Variants in ABI3BP observed in about 807,000 individuals in gnomAD.
The protein encoded by ABI3BP is ABI family member 3 binding protein.
A neutral mutation model predicts 268.6 loss-of-function variants in ABI3BP; 216 were observed. The ratio of observed to expected loss-of-function variants is 0.80; its 90% confidence interval spans 0.72 to 0.90. The LOEUF (loss-of-function observed/expected upper bound fraction) is 0.90. Ranked by LOEUF, ABI3BP falls within the 40% of genes least tolerant of loss-of-function variation. The probability of loss-of-function intolerance (pLI) is 0.00; values close to 1 mark genes in which losing one functional copy is unlikely to be tolerated. For missense variants in ABI3BP, 2,090 were observed against 2,182.4 expected (o/e 0.96, Z 0.84); for synonymous variants, 730 against 730.0 (o/e 1.00, Z 0.00).
At chr3:100,852,382 C>T (rs1389441641) in intron 14 of ABI3BP, among the ~76,000 whole-genome samples, 4 of 152,196 alleles carry the variant, frequency 2.6e-5, no homozygotes, top group Non-Finnish European at 5.9e-5. Context: ...GTTACTGTTA[C>T]AATATCTTAT....
chr3:100,761,741 C>A (rs776591921), intron 63 of ABI3BP, among the ~76,000 whole-genome samples: 1 of 152,146 alleles, frequency 6.6e-6, no homozygotes, highest in Non-Finnish European at 1.5e-5. Flanking sequence ...CTAATCCCTG[C>A]CTTGTTTCTC....
intron 9 of ABI3BP, among the ~76,000 whole-genome samples, chr3:100,868,074 T>C (rs2099072285): frequency 6.6e-6 from 1 of 152,230 alleles, no homozygotes; most frequent in African/African-American, 2.4e-5. Flanking sequence ...TGAAACAGTC[T>C]AGTGGCATGA....
At chr3:100,884,856 A>T (rs72928349) in intron 6 of ABI3BP, among the ~76,000 whole-genome samples, 131 of 152,232 alleles carry the variant, frequency 8.6e-4, no homozygotes, top group African/African-American at 3.1e-3. Flanking sequence ...AATACTGGGT[A>T]TGAGATTTGA....
At chr3:100,777,952 T>G (rs1250147787) in intron 59 of ABI3BP, among the ~76,000 whole-genome samples, 1 of 152,152 alleles carries the variant, frequency 6.6e-6, no homozygotes, top group East Asian at 1.9e-4. Flanking sequence ...AGTCATCACA[T>G]CTATTATTCC....
At chr3:100,945,599 C>T (rs745331800) in intron 1 of ABI3BP, 18 of 446,100 alleles carry the variant, frequency 4.0e-5, no homozygotes, top group South Asian at 2.9e-4. Flanking sequence ...TCTCTTCACA[C>T]CTGGCTTCTT....
At chr3:100,936,194 G>T (rs190367008) in intron 1 of ABI3BP, among the ~76,000 whole-genome samples, 3 of 152,124 alleles carry the variant, frequency 2.0e-5, no homozygotes, top group Non-Finnish European at 2.9e-5. Context: ...GAAGGGCTTT[G>T]AATTTTGTTG....
chr3:100,841,206 T>TG (rs2098693370), intron 21 of ABI3BP, among the ~76,000 whole-genome samples: 1 of 128,242 alleles, frequency 7.8e-6, no homozygotes, highest in Non-Finnish European at 1.7e-5. Context: ...TTTTTTTTTT[T>TG]TTTTTTTTTT....
At position 100,810,565 on chromosome 3, in the gene ABI3BP, T is replaced by G. The variant is rs566144967; in HGVS notation, c.3542-88A>C. 2,670 of 629,020 alleles carry G rather than the reference T, an allele frequency of 4.2e-3. 12 individuals carry two copies. The highest frequency in any genetic ancestry group is 5.2e-3 in the Non-Finnish European group (2,099 of 404,298). 39.0% of individuals were successfully genotyped at this position (629,020 alleles called of 1,614,324 possible). A position where few individuals can be genotyped will look rare whatever the true frequency, so the allele number is the denominator to read the frequency against. ...AACAGACAGGATGGTAACAAATAGA[T>G]TTTTTTAAAATAAAGAAAATTGCAA... is the stretch of plus-strand genomic sequence containing the variant. On this transcript the variant is annotated intron_variant, in intron 48 of 67. Coordinates refer to ENST00000471714, the MANE Select transcript of ABI3BP (RefSeq NM_001375547.2).
chr3:100,989,827 T>C (rs1309522770), intron 1 of ABI3BP, among the ~76,000 whole-genome samples: 3 of 152,174 alleles, frequency 2.0e-5, no homozygotes, highest in Non-Finnish European at 4.4e-5. Flanking sequence ...AGGCCAATGG[T>C]GCCAAGAATA....
At chr3:100,779,368 G>A (rs1261068635) in intron 58 of ABI3BP, among the ~76,000 whole-genome samples, 3 of 152,176 alleles carry the variant, frequency 2.0e-5, no homozygotes, top group Non-Finnish European at 4.4e-5. Flanking sequence ...AAGAGGAAGG[G>A]CTTTGTTTTT....
intron 6 of ABI3BP, among the ~76,000 whole-genome samples, chr3:100,877,361 C>T (rs2099170818): frequency 6.6e-6 from 1 of 152,198 alleles, no homozygotes; most frequent in South Asian, 2.1e-4. Flanking sequence ...GCACTTATTG[C>T]TCAAGAAAGC....
intron 40 of ABI3BP, among the ~76,000 whole-genome samples, chr3:100,819,546 G>C (rs2098143693): frequency 6.6e-6 from 1 of 152,100 alleles, no homozygotes; most frequent in Non-Finnish European, 1.5e-5. Context: ...CACAGTTGTT[G>C]ATGTGGCTGT....
chr3:100,894,831 C>T (rs1174351969), intron 4 of ABI3BP, among the ~76,000 whole-genome samples: 1 of 148,640 alleles, frequency 6.7e-6, no homozygotes. Context: ...CCCAGCTACT[C>T]GGGAGGCTGA....
At chr3:100,894,808 C>G (rs533637002) in intron 4 of ABI3BP, among the ~76,000 whole-genome samples, 37 of 151,212 alleles carry the variant, frequency 2.4e-4, no homozygotes, top group Middle Eastern at 3.5e-3. Flanking sequence ...GCATGGTGGC[C>G]GGTGCCTGTA....
chr3:100,762,367 T>C (rs920405084), intron 63 of ABI3BP, among the ~76,000 whole-genome samples: 10 of 150,452 alleles, frequency 6.6e-5, no homozygotes, highest in Non-Finnish European at 1.5e-4. Flanking sequence ...ACCTAAATCA[T>C]GTATATGGAT....
chr3:100,886,492 C>T lies in ABI3BP; in HGVS notation c.462-169G>A, dbSNP rs192468649. Among the ~76,000 whole-genome samples the T allele has an allele frequency of 1.9e-3, 283 of 152,100 alleles. 1 individual carries two copies. Among genetic ancestry groups the T allele is most frequent in the Non-Finnish European group, 2.3e-3 (154 of 67,924 alleles). ...GAGAACATGAAAAAAATAAGCTCAACGTGTGCTTAGGTTTTTAATTTCTCA... is the reference window on the plus strand; with the variant it reads ...GAGAACATGAAAAAAATAAGCTCAATGTGTGCTTAGGTTTTTAATTTCTCA... On this transcript the variant is annotated intron_variant, in intron 4 of 67. Coordinates refer to ENST00000471714, the MANE Select transcript of ABI3BP (RefSeq NM_001375547.2).
intron 1 of ABI3BP, chr3:100,945,550 T>C (rs780872078): frequency 7.4e-6 from 3 of 404,146 alleles, no homozygotes. Context: ...ACTTTCTGCT[T>C]TTCTGGTAAT....
chr3:100,957,282 G>A (rs2153803268), intron 1 of ABI3BP, among the ~76,000 whole-genome samples: 1 of 152,266 alleles, frequency 6.6e-6, no homozygotes, highest in African/African-American at 2.4e-5. Flanking sequence ...GAGGAGCTAC[G>A]GATGTCTCCA....
At chr3:100,757,346 C>G (rs1228486401) in intron 63 of ABI3BP, among the ~76,000 whole-genome samples, 1 of 152,042 alleles carries the variant, frequency 6.6e-6, no homozygotes, top group Non-Finnish European at 1.5e-5. Context: ...ACATGAGTTA[C>G]AAAATTTCAG....
Sources: gnomAD v4.1 joint callset for allele counts (sites outside exome capture counted in the v4.1 genomes callset) on GRCh38, gnomAD v4.1.1 for gene constraint, MANE v1.5 for transcripts, NCBI Gene and HGNC (gene_info 2026-07-23, HGNC 2026-07-21) for gene names.